The following FHIT variants were observed in gnomAD, a reference collection of about 807,000 sequenced individuals.
The protein encoded by FHIT is bis(5'-adenosyl)-triphosphatase.
FHIT carries 19 observed loss-of-function variants against 17.9 expected under a neutral mutation model. That is an observed-to-expected ratio of 1.06 (90% confidence interval 0.74 to 1.56). FHIT has a LOEUF of 1.56. FHIT is among the 40% of genes most tolerant of loss of function. The probability of loss-of-function intolerance (pLI) is 0.00; values close to 1 mark genes in which losing one functional copy is unlikely to be tolerated. For synonymous variants in FHIT, 81 were observed against 69.7 expected (o/e 1.16, Z -0.81); for missense variants, 248 against 189.2 (o/e 1.31, Z -1.82).
At chr3:61,049,066 G>A (rs2033926482) in intron 2 of FHIT, among the ~76,000 whole-genome samples, 2 of 151,842 alleles carry the variant, frequency 1.3e-5, no homozygotes. Flanking sequence ...CATGGTACAT[G>A]TATACATATG....
chr3:60,514,100 A>T (rs1297857679), intron 5 of FHIT, among the ~76,000 whole-genome samples: 12 of 152,112 alleles, frequency 7.9e-5, no homozygotes, highest in African/African-American at 2.9e-4. Flanking sequence ...ACCCAATAAA[A>T]TCCTCTGCAC....
intron 2 of FHIT, among the ~76,000 whole-genome samples, chr3:61,105,542 G>A (rs2035965218): frequency 6.6e-6 from 1 of 151,972 alleles, no homozygotes; most frequent in South Asian, 2.1e-4. Flanking sequence ...ATAAAAGTGA[G>A]TGACTTTTTT....
chr3:59,936,153 T>C (rs1352197436), intron 7 of FHIT, among the ~76,000 whole-genome samples: 1 of 152,060 alleles, frequency 6.6e-6, no homozygotes, highest in African/African-American at 2.4e-5. Context: ...CATTAAGAGC[T>C]ACTGTGGTTC....
chr3:60,636,182 T>G (rs1342233976), intron 4 of FHIT, among the ~76,000 whole-genome samples: 3 of 152,114 alleles, frequency 2.0e-5, no homozygotes, highest in Non-Finnish European at 4.4e-5. Flanking sequence ...GTGAGTCTCC[T>G]GCTTCAGCCT....
intron 7 of FHIT, among the ~76,000 whole-genome samples, chr3:59,940,191 T>G (rs550342856): frequency 6.6e-6 from 1 of 152,308 alleles, no homozygotes; most frequent in African/African-American, 2.4e-5. Context: ...CCCAGACTAG[T>G]ACTTGGAACT....
intron 5 of FHIT, among the ~76,000 whole-genome samples, chr3:60,229,156 C>A (rs1704366942): frequency 6.6e-6 from 1 of 152,152 alleles, no homozygotes; most frequent in South Asian, 2.1e-4. Context: ...GTGGCTCATG[C>A]CTGTAATCGC....
chr3:60,461,448 C>T (rs1177032072), intron 5 of FHIT, among the ~76,000 whole-genome samples: 1 of 115,522 alleles, frequency 8.7e-6, no homozygotes, highest in South Asian at 2.9e-4. Flanking sequence ...ACTAATAAAA[C>T]AATATGTCAT....
chr3:59,997,426 G>C (rs919427792), intron 7 of FHIT, among the ~76,000 whole-genome samples: 18 of 152,122 alleles, frequency 1.2e-4, no homozygotes, highest in African/African-American at 4.3e-4. Flanking sequence ...AAATGAAAAA[G>C]CAAACTATTA....
intron 8 of FHIT, among the ~76,000 whole-genome samples, chr3:59,894,829 G>C (rs1400687752): frequency 1.3e-5 from 2 of 152,182 alleles, no homozygotes; most frequent in African/African-American, 4.8e-5. Context: ...AGTGAATAAA[G>C]CATCAAAAGG....
intron 5 of FHIT, among the ~76,000 whole-genome samples, chr3:60,346,393 G>A (rs536407424): frequency 6.6e-5 from 10 of 152,250 alleles, no homozygotes; most frequent in Admixed American, 3.3e-4. Flanking sequence ...AATAATGACA[G>A]CTCTTGTCAA....
At chr3:60,748,732 A>G (rs2042407960) in intron 4 of FHIT, among the ~76,000 whole-genome samples, 1 of 152,152 alleles carries the variant, frequency 6.6e-6, no homozygotes. Context: ...GAAATGCTTG[A>G]ACCCGAGAGG....
intron 3 of FHIT, among the ~76,000 whole-genome samples, chr3:61,035,276 T>G (rs1208904402): frequency 6.6e-6 from 1 of 152,186 alleles, no homozygotes; most frequent in African/African-American, 2.4e-5. Flanking sequence ...TAAAATGGAT[T>G]TTTTGTTATA....
At chr3:59,868,794 G>A (rs1197154341) in intron 8 of FHIT, among the ~76,000 whole-genome samples, 1 of 152,162 alleles carries the variant, frequency 6.6e-6, no homozygotes. Flanking sequence ...ACCATTTGTA[G>A]GTCTAATTAC....
chr3:60,367,719 G>T (rs907567081), intron 5 of FHIT, among the ~76,000 whole-genome samples: 1 of 152,146 alleles, frequency 6.6e-6, no homozygotes, highest in African/African-American at 2.4e-5. Context: ...AGGTTTTACA[G>T]TGGATGAATT....
chr3:60,450,269 T>C (rs548819552), intron 5 of FHIT, among the ~76,000 whole-genome samples: 1 of 151,982 alleles, frequency 6.6e-6, no homozygotes, highest in Non-Finnish European at 1.5e-5. Flanking sequence ...ACGTCAACAC[T>C]GGGCAATAGG....
chr3:60,070,407 C>T (rs1350366790), intron 5 of FHIT, among the ~76,000 whole-genome samples: 1 of 152,158 alleles, frequency 6.6e-6, no homozygotes, highest in East Asian at 1.9e-4. Flanking sequence ...TTACTGAGCA[C>T]CTCAGCATGC....
At chr3:60,016,684 G>A (rs1382715164) in intron 5 of FHIT, among the ~76,000 whole-genome samples, 1 of 152,156 alleles carries the variant, frequency 6.6e-6, no homozygotes, top group Non-Finnish European at 1.5e-5. Flanking sequence ...CACAGGGGAG[G>A]TCAGATCTAA....
At chr3:59,868,004 G>C (rs985158555) in intron 8 of FHIT, among the ~76,000 whole-genome samples, 3 of 138,480 alleles carry the variant, frequency 2.2e-5, no homozygotes, top group Non-Finnish European at 4.6e-5. Context: ...GTTCTTTTGG[G>C]CTTAATGAAT....
At chr3:60,722,043 G>T (rs184136514) in intron 4 of FHIT, among the ~76,000 whole-genome samples, 1 of 152,300 alleles carries the variant, frequency 6.6e-6, no homozygotes, top group Admixed American at 6.5e-5. Flanking sequence ...GGAAGGAAAT[G>T]AGGCTATAAA....
Sources: allele counts gnomAD v4.1 joint callset (sites outside exome capture counted in the v4.1 genomes callset), GRCh38; gene constraint gnomAD v4.1.1; transcripts MANE v1.5; gene names NCBI Gene and HGNC (gene_info 2026-07-23, HGNC 2026-07-21).